GALM: variants seen among roughly 807,000 people sequenced by gnomAD.
The protein encoded by GALM is aldose 1-epimerase.
In GALM, 43 loss-of-function variants were observed where a neutral mutation model predicts 37.4. The ratio of observed to expected loss-of-function variants is 1.15; its 90% confidence interval spans 0.90 to 1.48. GALM has a LOEUF of 1.48. GALM is among the 40% of genes most tolerant of loss of function. GALM has a pLI of 0.00. For missense variants in GALM, 456 were observed against 419.1 expected, an observed-to-expected ratio of 1.09 and a Z score of -0.77; for synonymous variants, 199 against 170.6, an observed-to-expected ratio of 1.17 and a Z score of -1.30.
rs1190635380 is a variant in GALM at position 38,698,329 on chromosome 2, C to A, written c.634+8435C>A. ...AGCAGTGGTGTATTGAGTGCATAGCCCTTGCTCACAGGTGCTTCTTTCCTG... is the reference window on the plus strand; with the variant it reads ...AGCAGTGGTGTATTGAGTGCATAGCACTTGCTCACAGGTGCTTCTTTCCTG... On this transcript the variant is annotated intron_variant, in intron 4 of 6. Coordinates refer to ENST00000272252, the MANE Select transcript of GALM (RefSeq NM_138801.3). The A allele has an allele frequency of 5.8e-6, 7 of 1,203,228 alleles. No individual in the cohort carries two copies. The South Asian group carries it at 8.9e-5, about 15-fold the overall frequency. 74.5% of individuals were successfully genotyped at this position (1,203,228 alleles called of 1,614,324 possible). A position where few individuals can be genotyped will look rare whatever the true frequency, so the allele number is the denominator to read the frequency against.
At chr2:38,706,392 A>C (rs1666036047) in intron 4 of GALM, among the ~76,000 whole-genome samples, 1 of 146,770 alleles carries the variant, frequency 6.8e-6, no homozygotes. Context: ...ATCTCACCCC[A>C]GGTTGGGCGT....
chr2:38,704,534 G>T (rs1666000677), intron 4 of GALM, among the ~76,000 whole-genome samples: 1 of 151,880 alleles, frequency 6.6e-6, no homozygotes, highest in Non-Finnish European at 1.5e-5. Flanking sequence ...AAATTAGCCA[G>T]GCCCAGTGGC....
chr2:38,709,451 G>A (rs1666106640), intron 4 of GALM, among the ~76,000 whole-genome samples: 1 of 151,956 alleles, frequency 6.6e-6, no homozygotes, highest in African/African-American at 2.4e-5. Context: ...ACGACCTGCA[G>A]CTTGGTTTAG....
intron 4 of GALM, among the ~76,000 whole-genome samples, chr2:38,691,890 T>C (rs893542056): frequency 6.6e-6 from 1 of 152,156 alleles, no homozygotes; most frequent in Non-Finnish European, 1.5e-5. Context: ...TGGTACCACT[T>C]GGAGCCAATA....
At chr2:38,681,184 A>G in intron 2 of GALM, 96 bp from the exon 3 acceptor site, 1 of 1,028,328 alleles carries the variant, frequency 9.7e-7, no homozygotes, top group African/African-American at 1.6e-5. Flanking sequence ...TTGTATAACC[A>G]TTTTCCTTGT....
At chr2:38,681,000 G>T (rs1258182402) in intron 2 of GALM, among the ~76,000 whole-genome samples, 1 of 152,074 alleles carries the variant, frequency 6.6e-6, no homozygotes, top group African/African-American at 2.4e-5. Flanking sequence ...GCCAGGTACA[G>T]TGGCTCATGC....
At chr2:38,687,974 G>T (rs566346157) in intron 3 of GALM, among the ~76,000 whole-genome samples, 34 of 152,242 alleles carry the variant, frequency 2.2e-4, no homozygotes, top group African/African-American at 8.2e-4. Context: ...CACTTTGGGA[G>T]GCTGAGGTGG....
chr2:38,693,281 G>A (rs1010784004), intron 4 of GALM, among the ~76,000 whole-genome samples: 4 of 152,066 alleles, frequency 2.6e-5, no homozygotes, highest in African/African-American at 7.2e-5. Flanking sequence ...TCAGGAGTTC[G>A]AGACCAGCCT....
intron 4 of GALM, among the ~76,000 whole-genome samples, chr2:38,726,247 G>C (rs1228998945): frequency 1.4e-5 from 2 of 140,078 alleles, no homozygotes; most frequent in Non-Finnish European, 3.0e-5. Flanking sequence ...TTTTTTTTGA[G>C]ACGGAGTCTC....
chr2:38,703,014 C>T (rs1665949289), intron 4 of GALM, among the ~76,000 whole-genome samples: 1 of 105,024 alleles, frequency 9.5e-6, no homozygotes, highest in South Asian at 3.5e-4. Flanking sequence ...CCTAGCTACT[C>T]AGGAGGCTGG....
At chr2:38,673,945 T>C (rs528328619) in intron 1 of GALM, among the ~76,000 whole-genome samples, 43 of 151,670 alleles carry the variant, frequency 2.8e-4, no homozygotes, top group African/African-American at 1.0e-3. Context: ...ATACTCTATG[T>C]AGTATGATTC....
chr2:38,688,783 G>A (rs979392746), intron 3 of GALM, among the ~76,000 whole-genome samples: 12 of 152,170 alleles, frequency 7.9e-5, no homozygotes, highest in African/African-American at 2.7e-4. Context: ...CAAGGACCCT[G>A]GAAAAGGTAG....
intron 4 of GALM, among the ~76,000 whole-genome samples, chr2:38,718,908 T>G (rs753329334): frequency 6.6e-6 from 1 of 151,818 alleles, no homozygotes; most frequent in Non-Finnish European, 1.5e-5. Context: ...TTCATCCGGG[T>G]GAGAGAGTGT....
intron 4 of GALM, among the ~76,000 whole-genome samples, chr2:38,723,059 C>A (rs1265716831): frequency 6.6e-6 from 1 of 152,118 alleles, no homozygotes; most frequent in Non-Finnish European, 1.5e-5. Context: ...TCTGCCTCTC[C>A]TGCCTTCATT....
At chr2:38,683,357 G>A (rs1454592827) in intron 3 of GALM, among the ~76,000 whole-genome samples, 4 of 152,120 alleles carry the variant, frequency 2.6e-5, no homozygotes, top group African/African-American at 9.7e-5. Flanking sequence ...GTATACCACA[G>A]ATTGAATATC....
At chr2:38,683,800 C>T (rs1665459838) in intron 3 of GALM, among the ~76,000 whole-genome samples, 2 of 152,196 alleles carry the variant, frequency 1.3e-5, no homozygotes, top group African/African-American at 4.8e-5. Flanking sequence ...CTCCTGACCT[C>T]GGGTGATCCA....
intron 4 of GALM, among the ~76,000 whole-genome samples, chr2:38,700,603 T>C (rs966365628): frequency 2.0e-4 from 31 of 152,152 alleles, no homozygotes; most frequent in Non-Finnish European, 2.5e-4. Context: ...ACCCTTTCAG[T>C]CTATGTGTGT....
chr2:38,678,150 G>A (rs1665306696), intron 2 of GALM, among the ~76,000 whole-genome samples: 1 of 151,882 alleles, frequency 6.6e-6, no homozygotes, highest in Non-Finnish European at 1.5e-5. Context: ...CCAAGTAGCT[G>A]GGATTACAGG....
chr2:38,694,208 A>G (rs1294610503), intron 4 of GALM, among the ~76,000 whole-genome samples: 2 of 152,162 alleles, frequency 1.3e-5, no homozygotes, highest in Admixed American at 6.6e-5. Context: ...TTTGGGAGGT[A>G]GGGGAGAGGC....
Sources: allele counts gnomAD v4.1 joint callset (sites outside exome capture counted in the v4.1 genomes callset), GRCh38; gene constraint gnomAD v4.1.1; transcripts MANE v1.5; gene names NCBI Gene and HGNC (gene_info 2026-07-23, HGNC 2026-07-21).